DNMT3B: variants seen among roughly 807,000 people sequenced by gnomAD.
The protein encoded by DNMT3B is DNA (cytosine-5)-methyltransferase 3B.
Under a neutral mutation model 120.2 loss-of-function variants are expected in DNMT3B, and 37 were observed. The observed-to-expected ratio is 0.31, with a 90% CI of 0.24 to 0.40. The LOEUF (loss-of-function observed/expected upper bound fraction) is 0.40, where lower values mean the gene tolerates loss of function less well. DNMT3B is among the 10% of genes least tolerant of loss of function. The pLI is 1.00. For synonymous variants in DNMT3B, 412 were observed against 442.8 expected (o/e 0.93, Z 0.87); for missense variants, 878 against 1,137.3 (o/e 0.77, Z 3.28).
At chr20:32,797,345 C>G (rs2146020071) in intron 14 of DNMT3B, 46 bp downstream of exon 14, 4 of 1,574,372 alleles carry the variant, frequency 2.5e-6, no homozygotes, top group Non-Finnish European at 3.5e-6. Flanking sequence ...GCCCCCAAGG[C>G]TCCTACGTTC....
chr20:32,793,566 G>A lies in DNMT3B; in HGVS notation c.1097G>A (p.Gly366Asp), dbSNP rs756893516. The change falls in exon 10 of 23, where the codon GGC (glycine) becomes GAC (aspartate). Residue 366 changes from glycine to aspartate, a missense_variant. Gly to Asp is a moderately conservative substitution (Grantham distance 94). Transcript: ENST00000328111. ...AATAAGTCGAAGGTGCGTCGTGCAG[G>A]CAGTAGGAAATTAGAATCAAGGAAA... ...VVNKSKVRRA[G>D]SRKLESRKYE... 1 of 1,614,214 alleles carries A rather than the reference G, an allele frequency of 6.2e-7. No individual in the cohort carries two copies. The highest frequency in any genetic ancestry group is 2.2e-5 in the East Asian group (1 of 44,890).
chr20:32,805,506 C>T (rs187439521), intron 21 of DNMT3B, 99 bp downstream of exon 21: 3 of 1,387,704 alleles, frequency 2.2e-6, no homozygotes, highest in East Asian at 2.3e-5. Flanking sequence ...TACTCCTCCC[C>T]CCACGTGACT....
At chr20:32,805,547 ATTG>A in intron 21 of DNMT3B, 140 bp downstream of exon 21, 1 of 891,284 alleles carries the variant, frequency 1.1e-6, no homozygotes. Context: ...CTCCCACATG[ATTG>A]TTCTGTCCCA....
At chr20:32,772,577 C>T (rs2424908) in intron 1 of DNMT3B, among the ~76,000 whole-genome samples, 41,465 of 150,730 alleles carry the variant, frequency 0.28, 6,164 homozygotes, top group East Asian at 0.55. Context: ...CCCTCATTCT[C>T]TGAGTTACCA....
At chr20:32,796,674 A>G in intron 12 of DNMT3B, 116 bp from the exon 13 acceptor site, 1 of 1,097,066 alleles carries the variant, frequency 9.1e-7, no homozygotes, top group Admixed American at 1.7e-5. Context: ...AGGTGCAAAG[A>G]GTCCTTGGCA....
intron 14 of DNMT3B, among the ~76,000 whole-genome samples, chr20:32,797,924 C>G (rs1350515006): frequency 2.6e-5 from 4 of 152,160 alleles, no homozygotes; most frequent in African/African-American, 7.2e-5. Flanking sequence ...CCTCTCAAAT[C>G]CCAGCACTCC....
At chr20:32,787,005 C>G (rs1979369854) in intron 5 of DNMT3B, among the ~76,000 whole-genome samples, 1 of 152,220 alleles carries the variant, frequency 6.6e-6, no homozygotes, top group Admixed American at 6.5e-5. Flanking sequence ...CGTCATTACC[C>G]ATCATTTGTG....
At position 32,765,017 on chromosome 20, in the gene DNMT3B, T is replaced by C. The variant is rs560967606; in HGVS notation, c.-7+2318T>C. ...CTTCAAGGAAAACTTACCTTGGGAT[T>C]CCTTTTCCTAGACCAGCTCTTATGC... is the stretch of plus-strand genomic sequence containing the variant. On this transcript the variant is annotated intron_variant, in intron 1 of 22. Transcript: ENST00000328111. Among the ~76,000 whole-genome samples, 4 of 152,322 alleles carry C rather than the reference T, an allele frequency of 2.6e-5. No individual in the cohort carries two copies. In the South Asian group the frequency reaches 8.3e-4, roughly 32 times the overall value.
At chr20:32,801,537 G>C (rs979783913) in intron 19 of DNMT3B, 111 bp downstream of exon 19, 3 of 1,444,264 alleles carry the variant, frequency 2.1e-6, no homozygotes, top group African/African-American at 2.8e-5. Flanking sequence ...TCCCGTTCTT[G>C]GTCTGGCTAG....
intron 3 of DNMT3B, among the ~76,000 whole-genome samples, chr20:32,784,030 C>G (rs1329009235): frequency 6.6e-6 from 1 of 152,090 alleles, no homozygotes; most frequent in Non-Finnish European, 1.5e-5. Flanking sequence ...CCTGCCTCAG[C>G]CTCCTGAGTA....
intron 6 of DNMT3B, among the ~76,000 whole-genome samples, chr20:32,787,904 A>G (rs937006810): frequency 2.6e-5 from 4 of 152,006 alleles, no homozygotes; most frequent in African/African-American, 9.7e-5. Flanking sequence ...AATTACAGTC[A>G]AAGGGGGTTT....
At chr20:32,762,746 A>G in intron 1 of DNMT3B, 47 bp downstream of exon 1, 1 of 159,096 alleles carries the variant, frequency 6.3e-6, no homozygotes, top group Non-Finnish European at 1.4e-5. Flanking sequence ...AGCTGCTTCG[A>G]GGGCTGCTAG....
Position 32,798,578 on chromosome 20 carries a change from C to T in DNMT3B, c.1609C>T (p.Arg537Trp), listed in dbSNP as rs771223602. The T allele has an allele frequency of 4.1e-5, 66 of 1,614,232 alleles. 3 individuals carry two copies. In the South Asian group the frequency reaches 5.3e-4, roughly 13 times the overall value. Residue 537 changes from arginine (R) to tryptophan (W), a missense_variant, in exon 15 of 23, where the codon CGG (arginine) becomes TGG (tryptophan). Around this residue, in one of 4 missense-constraint regions of DNMT3B, gnomAD observed 334 missense variants for 518.8 expected, o/e 0.64. Transcript: ENST00000328111. Reference protein sequence around the residue: ...CLPQRCHGVLRRRKDWNVRLQ... With the variant: ...CLPQRCHGVLWRRKDWNVRLQ... ...CCCGCAGCGCTGTCATGGCGTCCTG[C>T]GGCGCCGGAAGGACTGGAACGTGCG...
chr20:32,767,494 A>T (rs1987456141), intron 1 of DNMT3B, among the ~76,000 whole-genome samples: 1 of 151,930 alleles, frequency 6.6e-6, no homozygotes, highest in Non-Finnish European at 1.5e-5. Flanking sequence ...CAGTGGTGCG[A>T]TCATAGCTCA....
chr20:32,794,547 G>A (rs772297520), intron 10 of DNMT3B, among the ~76,000 whole-genome samples: 28 of 151,900 alleles, frequency 1.8e-4, no homozygotes, highest in Non-Finnish European at 3.1e-4. Flanking sequence ...GTGTGGTGCT[G>A]CATGCCTGTA....
intron 18 of DNMT3B, 113 bp downstream of exon 18, chr20:32,801,038 T>A: frequency 7.4e-7 from 1 of 1,353,358 alleles, no homozygotes; most frequent in Non-Finnish European, 1.1e-6. Flanking sequence ...ACTGGCAGCA[T>A]CAGGGGCCTG....
chr20:32,776,487 CCACTGGTA>C (rs1988078128), intron 1 of DNMT3B, among the ~76,000 whole-genome samples: 1 of 152,054 alleles, frequency 6.6e-6, no homozygotes, highest in Admixed American at 6.6e-5. Flanking sequence ...AGATTTGTAT[CCACTGGTA>C]CACACCTGAT....
chr20:32,787,991 G>A (rs547962162), intron 6 of DNMT3B, among the ~76,000 whole-genome samples: 1 of 152,294 alleles, frequency 6.6e-6, no homozygotes, highest in East Asian at 1.9e-4. Context: ...GCCAGGAAAA[G>A]GGATTTCACA....
intron 1 of DNMT3B, among the ~76,000 whole-genome samples, chr20:32,765,750 C>CTTTTTTTTTTTTTTTTTTTTTTTTT (rs1208508674): frequency 9.2e-6 from 1 of 108,440 alleles, no homozygotes; most frequent in Non-Finnish European, 1.7e-5. Flanking sequence ...TTTATTTTTT[C>CTTTTTTTTTTTTTTTTTTTTTTTTT]TTTTTTTCTT....
Sources: gnomAD v4.1 joint callset for allele counts (sites outside exome capture counted in the v4.1 genomes callset) on GRCh38, gnomAD v4.1.1 for gene constraint, gnomAD v4.1.1 regional missense constraint, MANE v1.5 for transcripts, NCBI Gene and HGNC (gene_info 2026-07-23, HGNC 2026-07-21) for gene names.